Variants in DDX25 observed in about 807,000 individuals in gnomAD.
DDX25 encodes DEAD-box helicase 25.
Under a neutral mutation model 64.6 loss-of-function variants are expected in DDX25, and 70 were observed. The ratio of observed to expected loss-of-function variants is 1.08; its 90% CI spans 0.89 to 1.32. The LOEUF (loss-of-function observed/expected upper bound fraction) is 1.32. Ranked by LOEUF, DDX25 falls within the 40% of genes most tolerant of loss-of-function variation. The pLI, the probability that DDX25 is intolerant of heterozygous loss-of-function variation, is 0.00. For missense variants in DDX25, 587 were observed against 604.4 expected, an observed-to-expected ratio of 0.97 and a Z score of 0.30; for synonymous variants, 211 against 213.3, an observed-to-expected ratio of 0.99 and a Z score of 0.09.
chr11:125,906,329 T>TTC lies in DDX25; in HGVS notation c.311+121_311+122insCT, dbSNP rs1045504364. On this transcript the variant is annotated intron_variant, in intron 4 of 11. Transcript: ENST00000263576. ...GTTTTCTGATATTCAATATTTTTTT[T>TTC]TGTTATTTGAGACAGAGTCTCACTC... The TTC allele has an allele frequency of 1.3e-4, 172 of 1,335,726 alleles. No individual in the cohort carries two copies. The African/African-American group carries it at 2.4e-3, about 19-fold the overall frequency. The allele number at this position is 1,335,726 out of a possible 1,614,324, so 82.7% of individuals were successfully genotyped here.
intron 8 of DDX25, among the ~76,000 whole-genome samples, chr11:125,916,055 T>C (rs1945032324): frequency 6.6e-6 from 1 of 152,134 alleles, no homozygotes; most frequent in Non-Finnish European, 1.5e-5. Context: ...TATCGGATTG[T>C]TGTTTGATGA....
At chr11:125,906,362 CAG>C (rs1015248018) in intron 4 of DDX25, among the ~76,000 whole-genome samples, 153 bp downstream of exon 4, 1 of 151,796 alleles carries the variant, frequency 6.6e-6, no homozygotes, top group Non-Finnish European at 1.5e-5. Context: ...CTCTGTCCCC[CAG>C]GCTGGAGTGC....
In DDX25 at chr11:125,927,848, C is replaced by A. The variant is rs967620750; in HGVS notation, c.*4967C>A. The A allele has an allele frequency of 6.6e-6, 1 of 152,064 alleles. No individual in the cohort carries two copies. The highest frequency in any genetic ancestry group is 1.5e-5 in the Non-Finnish European group (1 of 68,030). The allele number at this position is 152,064 out of a possible 1,614,324, so 9.4% of individuals were successfully genotyped here. A position where few individuals can be genotyped will look rare whatever the true frequency, so the allele number is the denominator to read the frequency against. On this transcript the variant is annotated 3_prime_UTR_variant, in exon 12 of 12. Coordinates refer to ENST00000263576, the MANE Select transcript of DDX25 (RefSeq NM_013264.5). ...TGCTGTAGTTCTGGTTCTTGAATAA[C>A]CAGGAGTTCAGAATAAAATGATCTC...
chr11:125,917,937 G>A (rs1336849492), intron 9 of DDX25, among the ~76,000 whole-genome samples: 2 of 152,122 alleles, frequency 1.3e-5, no homozygotes, highest in East Asian at 3.9e-4. Context: ...GGAGTGCAAT[G>A]GCATGATCTC....
rs540574189 is a variant in DDX25 at position 125,928,427 on chromosome 11, A to T, written c.*5546A>T. 1.3e-5 allele frequency: 2 copies of T among 152,238 alleles called. No individual in the cohort carries two copies. Among genetic ancestry groups the T allele is most frequent in the African/African-American group, 2.4e-5 (1 of 41,466 alleles). The allele number at this position is 152,238 out of a possible 1,614,324, so 9.4% of individuals were successfully genotyped here. On this transcript the variant is annotated 3_prime_UTR_variant, in exon 12 of 12. Transcript: ENST00000263576. ...CTTTAATTATAAATCATGCTGCAGT[A>T]AATATCTTCTCGCCCAATATTCCGA...
intron 6 of DDX25, 135 bp downstream of exon 6, chr11:125,908,638 T>TA: frequency 1.0e-6 from 1 of 956,570 alleles, no homozygotes; most frequent in Non-Finnish European, 1.6e-6. Flanking sequence ...CATAAAATCA[T>TA]AGAGCATTGG....
rs1189528143 is a variant in DDX25 at position 125,928,204 on chromosome 11, T to G, written c.*5323T>G. On this transcript the variant is annotated 3_prime_UTR_variant, in exon 12 of 12. Coordinates refer to ENST00000263576, the MANE Select transcript of DDX25 (RefSeq NM_013264.5). Reference sequence around the variant, plus strand: ...CATAAAAATTATCAGCTTGATATAGTCCTGTTCTTAATATAAACATCTGTG... The same window carrying G: ...CATAAAAATTATCAGCTTGATATAGGCCTGTTCTTAATATAAACATCTGTG... 1 of 152,252 alleles carries G rather than the reference T, an allele frequency of 6.6e-6. No individual in the cohort carries two copies. The allele number at this position is 152,252 out of a possible 1,614,324, so 9.4% of individuals were successfully genotyped here.
chr11:125,907,842 A>C (rs1276402625), intron 4 of DDX25, among the ~76,000 whole-genome samples: 1 of 152,228 alleles, frequency 6.6e-6, no homozygotes, highest in Non-Finnish European at 1.5e-5. Flanking sequence ...CAAAACAGTA[A>C]ATGTCACTTA....
intron 2 of DDX25, 126 bp from the exon 3 acceptor site, chr11:125,905,427 C>T: frequency 7.5e-7 from 1 of 1,332,748 alleles, no homozygotes; most frequent in Non-Finnish European, 1.0e-6. Flanking sequence ...TCGTCCATTC[C>T]TCCATGAAAT....
rs1233986423 is a variant in DDX25 at position 125,921,430 on chromosome 11, G to A, written c.1390+51G>A. ...GAACTACAGACCTGCCGGTCTGACA[G>A]TGATGATGTGTGCTGGAGAGCTGGA... On this transcript the variant is annotated intron_variant, in intron 11 of 11. Coordinates refer to ENST00000263576, the MANE Select transcript of DDX25 (RefSeq NM_013264.5). The surrounding 1 kb of genome is among the most constrained non-coding windows in gnomAD (Gnocchi z 4.1). The A allele has an allele frequency of 6.3e-7, 1 of 1,576,528 alleles. No homozygotes were observed.
At chr11:125,914,822 T>C (rs1160553313) in intron 8 of DDX25, among the ~76,000 whole-genome samples, 1 of 152,202 alleles carries the variant, frequency 6.6e-6, no homozygotes, top group African/African-American at 2.4e-5. Flanking sequence ...CTGCAACCTT[T>C]GCCTCCTGGG....
chr11:125,913,553 A>G (rs1944993825), intron 8 of DDX25, among the ~76,000 whole-genome samples: 1 of 152,154 alleles, frequency 6.6e-6, no homozygotes, highest in Non-Finnish European at 1.5e-5. Flanking sequence ...TATATAATTA[A>G]TATCCTCAGC....
chr11:125,904,718 G>A (rs1015994243), intron 1 of DDX25, 138 bp downstream of exon 1: 1 of 1,087,304 alleles, frequency 9.2e-7, no homozygotes, highest in Non-Finnish European at 1.3e-6. Flanking sequence ...ATGCGGGAAG[G>A]GTTTGGAAGA....
chr11:125,909,659 T>C lies in DDX25; in HGVS notation c.508-705T>C, dbSNP rs886197319. 1.7e-4 allele frequency among the ~76,000 whole-genome samples: 26 copies of C among 152,032 alleles called. 1 individual carries two copies. Among genetic ancestry groups the C allele is most frequent in the Admixed American group, 1.2e-3 (18 of 15,268 alleles). Reference sequence around the variant, plus strand: ...TTCCCGAAATAGGCAGTCTTTTTTTTTTTTTTTGACATGGAGTCTCACCCT... The same window carrying C: ...TTCCCGAAATAGGCAGTCTTTTTTTCTTTTTTTGACATGGAGTCTCACCCT... On this transcript the variant is annotated intron_variant, in intron 6 of 11. Transcript: ENST00000263576.
intron 8 of DDX25, among the ~76,000 whole-genome samples, chr11:125,913,074 C>T (rs1006466119): frequency 1.2e-4 from 18 of 150,252 alleles, no homozygotes; most frequent in Middle Eastern, 3.5e-3. Context: ...AGGAGAATGG[C>T]GTGAACCCGG....
Position 125,926,546 on chromosome 11 carries a change from CT to C in DDX25, c.*3679del, listed in dbSNP as rs1365483473. 227 of 143,608 alleles carry C rather than the reference CT, an allele frequency of 1.6e-3. No homozygotes were observed. The highest frequency in any genetic ancestry group is 2.0e-3 in the Admixed American group (29 of 14,294). 8.9% of individuals were successfully genotyped at this position (143,608 alleles called of 1,614,324 possible). ...GAGAGAATTTGACATTTTCCCTTCT[CT>C]TTTTTTTTTTTTTGAGATGGAGTCT... On this transcript the variant is annotated 3_prime_UTR_variant, in exon 12 of 12. Coordinates refer to ENST00000263576, the MANE Select transcript of DDX25 (RefSeq NM_013264.5).
At chr11:125,905,169 G>A in intron 1 of DDX25, 43 bp from the exon 2 acceptor site, 3 of 1,539,866 alleles carry the variant, frequency 1.9e-6, no homozygotes, top group East Asian at 2.4e-5. Context: ...GCTGCTTGAG[G>A]GCTTGCATCC....
intron 5 of DDX25, 25 bp from the exon 6 acceptor site, chr11:125,908,376 C>T: frequency 6.2e-7 from 1 of 1,613,524 alleles, no homozygotes; most frequent in African/African-American, 1.3e-5. Context: ...TCAGTTTATG[C>T]CCAGTGGTCT....
rs770293960 is a variant in DDX25, at chr11:125,921,246, A to C, written c.1257A>C (p.Gln419His). 6.2e-7 allele frequency: 1 copy of C among 1,613,018 alleles called. No individual in the cohort carries two copies. Among genetic ancestry groups the C allele is most frequent in the African/African-American group, 1.3e-5 (1 of 75,048 alleles). The change falls in exon 11 of 12, where the codon CAA becomes CAC. Residue 419 changes from glutamine (Q) to histidine (H), a missense_variant. By Grantham distance (24) the Gln-to-His change is conservative. Transcript: ENST00000263576. This position sits in a 1 kb window ranked among gnomAD's most constrained non-coding sequence, Gnocchi z 4.1. ...IVVNFDLPVK[Q>H]GEEPDYETYL... is the part of the protein sequence containing the mutation. ...TGAACTTTGATCTCCCTGTAAAACA[A>C]GGAGAGGAGCCGGACTATGAGACCT... is the stretch of plus-strand genomic sequence containing the variant.
Sources: allele counts gnomAD v4.1 joint callset (sites outside exome capture counted in the v4.1 genomes callset), GRCh38; gene constraint gnomAD v4.1.1; non-coding constraint Gnocchi (gnomAD v3.1); transcripts MANE v1.5; gene names NCBI Gene and HGNC (gene_info 2026-07-23, HGNC 2026-07-21).